Variants in PRR23E observed in about 807,000 individuals in gnomAD.
PRR23E encodes proline-rich protein 23E.
At chr3:127,197,113 C>T in the PRR23E span, 31 of 1,598,126 alleles carry the variant, frequency 1.9e-5, no homozygotes, top group Non-Finnish European at 2.6e-5. Flanking sequence ...TTGGCTTCTC[C>T]CACTCTGGGC....
chr3:127,197,745 A>G, the PRR23E span: 2 of 197,556 alleles, frequency 1.0e-5, no homozygotes, highest in Admixed American at 1.2e-4. Context: ...TCCAACCTGT[A>G]GAAGCGCTCA....
chr3:127,196,879 T>C, the PRR23E span: 6 of 1,599,338 alleles, frequency 3.8e-6, no homozygotes, highest in Non-Finnish European at 4.2e-6. Flanking sequence ...TACTCCTGCA[T>C]GGGATTTTCC....
At chr3:127,196,724 G>A in the PRR23E span, 1 of 1,593,716 alleles carries the variant, frequency 6.3e-7, no homozygotes, top group East Asian at 2.2e-5. Flanking sequence ...CAGAGCAGAA[G>A]GTCCGCCGTG....
the PRR23E span, chr3:127,197,051 C>A: frequency 6.3e-7 from 1 of 1,594,230 alleles, no homozygotes; most frequent in Non-Finnish European, 8.5e-7. Context: ...ATCTGGCTGC[C>A]TTGGCCCCCA....
chr3:127,196,300 A>G, the PRR23E span, among the ~76,000 whole-genome samples: 1 of 152,114 alleles, frequency 6.6e-6, no homozygotes, highest in Non-Finnish European at 1.5e-5. Flanking sequence ...AGACTTGGCC[A>G]TCCATACTCT....
At chr3:127,195,113 G>A in the PRR23E span, among the ~76,000 whole-genome samples, 12 of 152,228 alleles carry the variant, frequency 7.9e-5, no homozygotes, top group East Asian at 1.9e-4. Flanking sequence ...TCCAGTTTCC[G>A]CTGTAACTGT....
chr3:127,194,725 C>T, the PRR23E span, among the ~76,000 whole-genome samples: 302 of 152,268 alleles, frequency 2.0e-3, no homozygotes, highest in African/African-American at 6.9e-3. Context: ...ATCTATCCTA[C>T]GGGCATCTCA....
At chr3:127,194,420 T>C in the PRR23E span, among the ~76,000 whole-genome samples, 1 of 152,306 alleles carries the variant, frequency 6.6e-6, no homozygotes, top group East Asian at 1.9e-4. Flanking sequence ...GTGCCACAGG[T>C]TGGACTAGCT....
At chr3:127,197,225 G>A in the PRR23E span, 1 of 1,598,592 alleles carries the variant, frequency 6.3e-7, no homozygotes, top group Non-Finnish European at 8.5e-7. Context: ...CTCCCTACTT[G>A]AAGACATGCA....
the PRR23E span, chr3:127,196,776 T>C: frequency 1.3e-6 from 2 of 1,597,146 alleles, no homozygotes; most frequent in Non-Finnish European, 1.7e-6. Flanking sequence ...TCTGGCAGCC[T>C]CAACCCCCTG....
At chr3:127,195,729 C>G in the PRR23E span, among the ~76,000 whole-genome samples, 1 of 152,172 alleles carries the variant, frequency 6.6e-6, no homozygotes, top group African/African-American at 2.4e-5. Context: ...CACCAGCCTC[C>G]GCTCCTTGAT....
At chr3:127,194,608 CAT>C in the PRR23E span, among the ~76,000 whole-genome samples, 2 of 152,206 alleles carry the variant, frequency 1.3e-5, no homozygotes, top group Non-Finnish European at 2.9e-5. Flanking sequence ...TTTCTCAGTG[CAT>C]TTCGGTTTCC....
chr3:127,194,119 A>G, the PRR23E span, among the ~76,000 whole-genome samples: 1 of 152,238 alleles, frequency 6.6e-6, no homozygotes, highest in Non-Finnish European at 1.5e-5. Flanking sequence ...CAATTTTTAA[A>G]TAGCCAGTTT....
the PRR23E span, chr3:127,196,772 A>G: frequency 6.3e-7 from 1 of 1,597,040 alleles, no homozygotes; most frequent in Non-Finnish European, 8.5e-7. Flanking sequence ...GGACTCTGGC[A>G]GCCTCAACCC....
the PRR23E span, chr3:127,196,594 C>A: frequency 2.8e-6 from 4 of 1,450,112 alleles, no homozygotes; most frequent in Non-Finnish European, 3.6e-6. Context: ...CCCACAGATA[C>A]CAGGAGCCCC....
the PRR23E span, among the ~76,000 whole-genome samples, chr3:127,196,083 C>T: frequency 1.3e-5 from 2 of 152,198 alleles, no homozygotes; most frequent in African/African-American, 4.8e-5. Flanking sequence ...TGTGTTCAGA[C>T]ACTGCATCCT....
chr3:127,194,455 G>A, the PRR23E span, among the ~76,000 whole-genome samples: 1 of 152,232 alleles, frequency 6.6e-6, no homozygotes, highest in Non-Finnish European at 1.5e-5. Flanking sequence ...ATCTGAACTT[G>A]CAAGGATACG....
chr3:127,196,919 C>T, the PRR23E span: 3 of 1,599,482 alleles, frequency 1.9e-6, no homozygotes, highest in Non-Finnish European at 2.5e-6. Flanking sequence ...TCTGGGCTTA[C>T]CCGTGGGTGC....
the PRR23E span, chr3:127,197,696 A>G: frequency 3.2e-6 from 1 of 313,102 alleles, no homozygotes; most frequent in East Asian, 5.1e-5. Flanking sequence ...TCAAACATGC[A>G]TGCATGCAAC....
Sources: allele counts gnomAD v4.1 joint callset (sites outside exome capture counted in the v4.1 genomes callset), GRCh38; gene constraint gnomAD v4.1.1; transcripts MANE v1.5; gene names NCBI Gene and HGNC (gene_info 2026-07-23, HGNC 2026-07-21).